ZNF704: variants seen among roughly 807,000 people sequenced by gnomAD.
ZNF704 encodes glucocorticoid induced gene 1.
Under a neutral mutation model 44.7 loss-of-function variants are expected in ZNF704, and 10 were observed. That is an observed-to-expected ratio of 0.22 (90% confidence interval 0.14 to 0.38). The LOEUF (loss-of-function observed/expected upper bound fraction) is 0.38. Among genes scored for constraint, ZNF704 ranks in the 10% least tolerant of loss-of-function variants. The pLI, the probability that ZNF704 is intolerant of heterozygous loss-of-function variation, is 1.00. For synonymous variants in ZNF704, 211 were observed against 207.6 expected (o/e 1.02, Z -0.14); for missense variants, 390 against 545.5 (o/e 0.71, Z 2.84).
chr8:80,784,010 T>TCAG (rs1807575140), intron 2 of ZNF704, among the ~76,000 whole-genome samples: 4 of 152,178 alleles, frequency 2.6e-5, no homozygotes, highest in African/African-American at 9.6e-5. Flanking sequence ...CTTCTTTCAC[T>TCAG]TAGTGGTGTG....
chr8:80,754,111 G>A (rs1339217675), intron 2 of ZNF704, among the ~76,000 whole-genome samples: 1 of 152,112 alleles, frequency 6.6e-6, no homozygotes, highest in Non-Finnish European at 1.5e-5. Flanking sequence ...CAAACCTAAA[G>A]GGCCTTTCCT....
intron 5 of ZNF704, among the ~76,000 whole-genome samples, chr8:80,665,977 A>T (rs949222443): frequency 6.8e-6 from 1 of 146,702 alleles, no homozygotes. Context: ...TTATTTTTTT[A>T]TTATACTTTA....
intron 4 of ZNF704, among the ~76,000 whole-genome samples, chr8:80,677,104 T>C (rs1300140765): frequency 1.3e-5 from 2 of 152,260 alleles, no homozygotes; most frequent in Non-Finnish European, 2.9e-5. Flanking sequence ...TGTCATCTGA[T>C]GGCTCTTACC....
At position 80,664,872 on chromosome 8, in the gene ZNF704, C is replaced by T. The variant is rs371151496; in HGVS notation, c.870G>A (p.Pro290=). Reference sequence around the variant, plus strand: ...GGGTGGTGGGAGCTGAGCGGCTCAACGGCGTCATCAACTTAGTCTCCGTTT... The same window carrying T: ...GGGTGGTGGGAGCTGAGCGGCTCAATGGCGTCATCAACTTAGTCTCCGTTT... ...CAKTETKLMT[P]LSRSAPTTLY... is the part of the protein sequence containing the mutation. The change falls in exon 6 of 9, where the codon CCG becomes CCA. Residue 290 remains proline (P), a synonymous_variant. Coordinates refer to ENST00000327835, the MANE Select transcript of ZNF704 (RefSeq NM_001033723.3). 20 of 1,614,062 alleles carry T rather than the reference C, an allele frequency of 1.2e-5. No individual in the cohort carries two copies. Among genetic ancestry groups the T allele is most frequent in the South Asian group, 5.5e-5 (5 of 91,088 alleles).
At chr8:80,744,171 T>C (rs1449658656) in intron 2 of ZNF704, among the ~76,000 whole-genome samples, 1 of 152,182 alleles carries the variant, frequency 6.6e-6, no homozygotes, top group African/African-American at 2.4e-5. Flanking sequence ...TGAAATAACA[T>C]TTTAGACACG....
At chr8:80,726,655 T>C (rs1410509818) in intron 2 of ZNF704, among the ~76,000 whole-genome samples, 3 of 152,150 alleles carry the variant, frequency 2.0e-5, no homozygotes, top group African/African-American at 7.2e-5. Context: ...ATTACTGAAC[T>C]GGGATGATGG....
chr8:80,824,863 C>G (rs1160803276), intron 1 of ZNF704, among the ~76,000 whole-genome samples: 4 of 152,102 alleles, frequency 2.6e-5, no homozygotes, highest in Admixed American at 1.3e-4. Context: ...CCTTTACAAA[C>G]AAACAAATGC....
intron 4 of ZNF704, among the ~76,000 whole-genome samples, chr8:80,683,648 C>T (rs1818488939): frequency 6.6e-6 from 1 of 152,152 alleles, no homozygotes; most frequent in Admixed American, 6.5e-5. Context: ...AGCCTCTTGG[C>T]ACAATGGGGA....
intron 1 of ZNF704, among the ~76,000 whole-genome samples, chr8:80,851,840 A>T (rs1420562974): frequency 2.0e-5 from 3 of 152,216 alleles, no homozygotes; most frequent in Non-Finnish European, 4.4e-5. Flanking sequence ...CAGTTTTTGA[A>T]AAATAAGGAC....
Position 80,670,505 on chromosome 8 carries a change from C to G in ZNF704, c.657G>C (p.Leu219=), listed in dbSNP as rs1281625178. The G allele has an allele frequency of 6.2e-7, 1 of 1,613,182 alleles. No individual in the cohort carries two copies. The highest frequency in any genetic ancestry group is 8.5e-7 in the Non-Finnish European group (1 of 1,179,270). The change falls in exon 5 of 9, where the codon CTG becomes CTC. Residue 219 remains leucine (L), a splice_region_variant and synonymous_variant. Transcript: ENST00000327835. Reference sequence around the variant, plus strand: ...CCCTGAAGAGAGAGCTGCCTTACCCCAGATGGATGGTTCGGATGTGTTTCT... The same window carrying G: ...CCCTGAAGAGAGAGCTGCCTTACCCGAGATGGATGGTTCGGATGTGTTTCT... The part of the protein sequence containing the change: ...GIQKHIRTIH[L]GRVGDSDYSD...
At chr8:80,661,823 T>C (rs1481809701) in intron 6 of ZNF704, among the ~76,000 whole-genome samples, 1 of 152,026 alleles carries the variant, frequency 6.6e-6, no homozygotes, top group Non-Finnish European at 1.5e-5. Flanking sequence ...GAGATGTTGG[T>C]TAGTAGGTAC....
chr8:80,665,961 A>ATTTATTT (rs113582185), intron 5 of ZNF704, among the ~76,000 whole-genome samples: 20,345 of 149,318 alleles, frequency 0.14, 2,472 homozygotes, highest in African/African-American at 0.34. Flanking sequence ...TTTATTTTTT[A>ATTTATTT]TTTATTTATT....
chr8:80,834,819 T>C (rs559338157), intron 1 of ZNF704, among the ~76,000 whole-genome samples: 33 of 152,302 alleles, frequency 2.2e-4, no homozygotes, highest in Non-Finnish European at 3.8e-4. Context: ...TTGCTGAGGA[T>C]GATGGTTTCC....
At chr8:80,707,166 G>A (rs541727640) in intron 2 of ZNF704, among the ~76,000 whole-genome samples, 70 of 152,324 alleles carry the variant, frequency 4.6e-4, no homozygotes, top group African/African-American at 1.6e-3. Flanking sequence ...GCTCTTCAGA[G>A]GCGCAATGGG....
intron 2 of ZNF704, among the ~76,000 whole-genome samples, chr8:80,764,103 C>T (rs1807178449): frequency 6.6e-6 from 1 of 152,158 alleles, no homozygotes. Context: ...CCAAACTGTT[C>T]CAACCTCTGC....
At chr8:80,825,691 G>A (rs1215071307) in intron 1 of ZNF704, among the ~76,000 whole-genome samples, 1 of 152,138 alleles carries the variant, frequency 6.6e-6, no homozygotes, top group Non-Finnish European at 1.5e-5. Context: ...GCACTCCTCA[G>A]CAAATGTAAA....
intron 1 of ZNF704, among the ~76,000 whole-genome samples, chr8:80,830,669 C>A (rs944565805): frequency 6.9e-6 from 1 of 145,242 alleles, no homozygotes; most frequent in Non-Finnish European, 1.5e-5. Flanking sequence ...GAAGGATGGA[C>A]GGAAGGAAGG....
intron 5 of ZNF704, among the ~76,000 whole-genome samples, chr8:80,666,363 A>G (rs1215125217): frequency 6.6e-6 from 1 of 151,870 alleles, no homozygotes; most frequent in Non-Finnish European, 1.5e-5. Context: ...CCAGTCTATC[A>G]TTGTTGGACA....
intron 2 of ZNF704, among the ~76,000 whole-genome samples, chr8:80,770,963 T>G (rs1807309566): frequency 6.6e-6 from 1 of 152,212 alleles, no homozygotes; most frequent in African/African-American, 2.4e-5. Flanking sequence ...CTCCACCATT[T>G]GTTGTGAAAG....
Sources: gnomAD v4.1 joint callset for allele counts (sites outside exome capture counted in the v4.1 genomes callset) on GRCh38, gnomAD v4.1.1 for gene constraint, MANE v1.5 for transcripts, NCBI Gene and HGNC (gene_info 2026-07-23, HGNC 2026-07-21) for gene names.